Variants in MYO18B observed in about 807,000 individuals in gnomAD.
MYO18B encodes unconventional myosin-XVIIIb.
A neutral mutation model predicts 273.0 loss-of-function variants in MYO18B; 204 were observed. That is an observed-to-expected ratio of 0.75 (90% CI 0.67 to 0.84). The LOEUF is 0.84. Ranked by LOEUF, MYO18B falls within the 40% of genes least tolerant of loss-of-function variation. MYO18B has a pLI of 0.00. For synonymous variants in MYO18B, 1,330 were observed against 1,305.7 expected, an observed-to-expected ratio of 1.02 and a Z score of -0.40; for missense variants, 3,212 against 3,287.6, an observed-to-expected ratio of 0.98 and a Z score of 0.56.
rs59082074 is a variant in MYO18B, at chr22:25,780,590, C to CAAAAAAAAA, written c.2211+420_2211+428dup. Among the ~76,000 whole-genome samples the CAAAAAAAAA allele has an allele frequency of 1.5e-4, 10 of 65,204 alleles. No homozygotes were observed. The East Asian group carries it at 2.4e-3, about 15-fold the overall frequency. 42.8% of individuals were successfully genotyped at this position (65,204 alleles called of 152,430 possible). On this transcript the variant is annotated intron_variant, in intron 9 of 43. Transcript: ENST00000335473. The stretch of plus-strand genomic sequence containing the variant: ...GGGCAGCAAGAGCGAAACTCCATCT[C>CAAAAAAAAA]AAAAAAAAAAAAAAAAAAAAAAAAA...
chr22:25,804,604 T>A (rs184588587), intron 12 of MYO18B, among the ~76,000 whole-genome samples: 78 of 152,278 alleles, frequency 5.1e-4, no homozygotes, highest in African/African-American at 1.7e-3. Context: ...TGTGTGTGTG[T>A]GAGAGAGCAC....
At position 25,808,666 on chromosome 22, in the gene MYO18B, C is replaced by T. The variant is rs868437062; in HGVS notation, c.2521+10569C>T. On this transcript the variant is annotated intron_variant, in intron 12 of 43. Transcript: ENST00000335473. The stretch of plus-strand genomic sequence containing the variant: ...AGCAGAATTGAGGAGAGCTCAGACT[C>T]GGGGCTAAAGGCATGGGGTCTGGAA... 5.3e-5 allele frequency among the ~76,000 whole-genome samples: 8 copies of T among 152,204 alleles called. No individual in the cohort carries two copies. In the East Asian group the frequency reaches 5.8e-4, roughly 11 times the overall value.
intron 1 of MYO18B, among the ~76,000 whole-genome samples, chr22:25,753,600 T>C (rs2331157): frequency 0.31 from 47,749 of 152,058 alleles, 7,882 homozygotes; most frequent in South Asian, 0.42. Flanking sequence ...TTGTTGGGTC[T>C]ACGCTGCGTG....
Position 26,027,801 on chromosome 22 carries a change from A to G in MYO18B, c.*12+111A>G. ...AATGCCACAACCGATTTCTCTAGAG[A>G]CCAAGATTTTTAGAGGTTTTAGCTG... On this transcript the variant is annotated intron_variant, in intron 43 of 43. Transcript: ENST00000335473. The surrounding 1 kb of genome is among the most constrained non-coding windows in gnomAD (Gnocchi z 4.1). 1 of 1,223,792 alleles carries G rather than the reference A, an allele frequency of 8.2e-7. No individual in the cohort carries two copies. The highest frequency in any genetic ancestry group is 1.6e-5 in the South Asian group (1 of 61,460). 75.8% of individuals were successfully genotyped at this position (1,223,792 alleles called of 1,614,324 possible). A position where few individuals can be genotyped will look rare whatever the true frequency, so the allele number is the denominator to read the frequency against.
intron 21 of MYO18B, among the ~76,000 whole-genome samples, chr22:25,854,817 T>C (rs2090520874): frequency 1.3e-5 from 2 of 152,238 alleles, no homozygotes; most frequent in African/African-American, 4.8e-5. Context: ...TCCTCAAGGT[T>C]CATTCATGTT....
rs962908539 is a variant in MYO18B, at chr22:25,926,514, C to G, written c.5517+5105C>G. Reference sequence around the variant, plus strand: ...TGGCCAGGTTTTACTGAGTTGGTCTCTAACTCCTGGCCTCAAGTGATCCAC... The same window carrying G: ...TGGCCAGGTTTTACTGAGTTGGTCTGTAACTCCTGGCCTCAAGTGATCCAC... On this transcript the variant is annotated intron_variant, in intron 34 of 43. Coordinates refer to ENST00000335473, the MANE Select transcript of MYO18B (RefSeq NM_032608.7). 8.5e-5 allele frequency among the ~76,000 whole-genome samples: 13 copies of G among 152,112 alleles called. 1 individual carries two copies. Among genetic ancestry groups the G allele is most frequent in the Admixed American group, 7.2e-4 (11 of 15,266 alleles).
rs202193750 is a variant in MYO18B at position 25,955,766 on chromosome 22, AG to A, written c.6156+403del. Among the ~76,000 whole-genome samples, 1,395 of 152,312 alleles carry A rather than the reference AG, an allele frequency of 9.2e-3. 23 individuals carry two copies. Among genetic ancestry groups the A allele is most frequent in the African/African-American group, 0.032 (1,336 of 41,562 alleles). Reference sequence around the variant, plus strand: ...CATAATATTCTATAATCCTCATGTCAGCCCTGTGAAGTCAGAATTATTGCCC... The same window carrying A: ...CATAATATTCTATAATCCTCATGTCACCCTGTGAAGTCAGAATTATTGCCC... On this transcript the variant is annotated intron_variant, in intron 39 of 43. Transcript: ENST00000335473.
At chr22:25,859,129 A>G (rs557823692) in intron 21 of MYO18B, among the ~76,000 whole-genome samples, 1 of 152,220 alleles carries the variant, frequency 6.6e-6, no homozygotes, top group Admixed American at 6.5e-5. Context: ...TAAAAATAGT[A>G]ATTTTACTAT....
intron 1 of MYO18B, among the ~76,000 whole-genome samples, chr22:25,758,568 T>A (rs2086200628): frequency 6.6e-6 from 1 of 151,760 alleles, no homozygotes; most frequent in Non-Finnish European, 1.5e-5. Context: ...TGGATGAATG[T>A]CAAAAACATG....
At chr22:25,997,127 C>T (rs919492145) in intron 40 of MYO18B, among the ~76,000 whole-genome samples, 2 of 151,486 alleles carry the variant, frequency 1.3e-5, no homozygotes, top group African/African-American at 2.4e-5. Flanking sequence ...GTTCGAGCCC[C>T]GCCTGGCCAA....
chr22:25,950,160 T>C (rs2092773854), intron 36 of MYO18B, among the ~76,000 whole-genome samples: 4 of 152,074 alleles, frequency 2.6e-5, no homozygotes, highest in Admixed American at 2.6e-4. Flanking sequence ...CAGGGGCTTA[T>C]ATAATTGGAG....
At chr22:26,014,598 A>T (rs1935164750) in intron 42 of MYO18B, among the ~76,000 whole-genome samples, 1 of 152,174 alleles carries the variant, frequency 6.6e-6, no homozygotes, top group Non-Finnish European at 1.5e-5. Flanking sequence ...AAGCTATTAC[A>T]TCTGGAAGCT....
At chr22:25,943,809 T>C (rs913355304) in intron 34 of MYO18B, among the ~76,000 whole-genome samples, 2 of 140,250 alleles carry the variant, frequency 1.4e-5, no homozygotes, top group African/African-American at 5.3e-5. Context: ...AACCTCTGCC[T>C]CCCGGGTTCA....
At chr22:26,012,655 G>A (rs542096297) in intron 42 of MYO18B, among the ~76,000 whole-genome samples, 6 of 152,304 alleles carry the variant, frequency 3.9e-5, no homozygotes, top group African/African-American at 1.4e-4. Context: ...AAGGAAGGCT[G>A]TTTCCTGTCT....
chr22:25,876,003 CGTGTGTGTGT>C (rs4049349), intron 23 of MYO18B, among the ~76,000 whole-genome samples, 176 bp from the exon 24 acceptor site: 1,723 of 140,004 alleles, frequency 0.012, 36 homozygotes, highest in African/African-American at 0.043. Context: ...AAAGGAAGCC[CGTGTGTGTGT>C]GTGTGTGTGT....
the MYO18B span, among the ~76,000 whole-genome samples, chr22:26,047,130 T>A: frequency 6.6e-6 from 1 of 151,478 alleles, no homozygotes; most frequent in Non-Finnish European, 1.5e-5. Context: ...GGCCCATTTT[T>A]TTTTTTTTTT....
downstream of MYO18B, among the ~76,000 whole-genome samples, chr22:26,033,943 T>C (rs1317479089): frequency 6.6e-6 from 1 of 151,306 alleles, no homozygotes; most frequent in Non-Finnish European, 1.5e-5. Flanking sequence ...CCTTCCTTCC[T>C]TCCTTCTTTC....
At chr22:25,925,504 A>G in intron 34 of MYO18B, among the ~76,000 whole-genome samples, 1 of 152,142 alleles carries the variant, frequency 6.6e-6, no homozygotes, top group Non-Finnish European at 1.5e-5. Flanking sequence ...ATGACTTTTG[A>G]CAAGTGTCCC....
chr22:25,789,034 TCTTC>T (rs2087522455), intron 11 of MYO18B, among the ~76,000 whole-genome samples: 1 of 151,846 alleles, frequency 6.6e-6, no homozygotes, highest in African/African-American at 2.4e-5. Flanking sequence ...TCTTCTTCTT[TCTTC>T]CTTCTTTCTT....
Sources: allele counts gnomAD v4.1 joint callset (sites outside exome capture counted in the v4.1 genomes callset), GRCh38; gene constraint gnomAD v4.1.1; non-coding constraint Gnocchi (gnomAD v3.1); transcripts MANE v1.5; gene names NCBI Gene and HGNC (gene_info 2026-07-23, HGNC 2026-07-21).